PRELID3B: variants seen among roughly 807,000 people sequenced by gnomAD.
PRELID3B encodes PRELI domain containing 3B.
Under a neutral mutation model 24.0 loss-of-function variants are expected in PRELID3B, and 15 were observed. The observed-to-expected ratio is 0.63, with a 90% confidence interval of 0.42 to 0.96. The LOEUF is 0.96. Among genes scored for constraint, PRELID3B ranks in the 40% least tolerant of loss-of-function variants. PRELID3B has a pLI of 0.00. For missense variants in PRELID3B, 189 were observed against 236.0 expected, an observed-to-expected ratio of 0.80 and a Z score of 1.30; for synonymous variants, 62 against 76.0, an observed-to-expected ratio of 0.82 and a Z score of 0.96.
chr20:59,038,090 A>G (rs1374875645), intron 2 of PRELID3B: 3 of 166,030 alleles, frequency 1.8e-5, no homozygotes, highest in African/African-American at 7.2e-5. Flanking sequence ...CCGAGAACAT[A>G]GTCCTTACTT....
In PRELID3B at chr20:59,036,773, G is replaced by GAAAAAAAAAAAAAAA; in HGVS notation, c.292-14_292-13insTTTTTTTTTTTTTTT. The GAAAAAAAAAAAAAAA allele has an allele frequency of 9.0e-7, 1 of 1,109,602 alleles. No homozygotes were observed. Among genetic ancestry groups the GAAAAAAAAAAAAAAA allele is most frequent in the African/African-American group, 1.8e-5 (1 of 56,708 alleles). The allele number at this position is 1,109,602 out of a possible 1,614,324, so 68.7% of individuals were successfully genotyped here. ...TTGTAAATGAAATCTACAGAATGAA[G>GAAAAAAAAAAAAAAA]AAAAAAAAAAAAGATCAAATCATTT... On this transcript the variant is annotated splice_polypyrimidine_tract_variant and intron_variant, in intron 3 of 5. Coordinates refer to ENST00000355937, the MANE Select transcript of PRELID3B (RefSeq NM_016045.3).
intron 1 of PRELID3B, among the ~76,000 whole-genome samples, chr20:59,039,765 C>T (rs959146849): frequency 5.9e-5 from 9 of 152,242 alleles, no homozygotes; most frequent in Non-Finnish European, 1.0e-4. Context: ...AGGAAAATCT[C>T]AACTCCATTA....
rs150770632 is a variant in PRELID3B, at chr20:59,042,776, G to C, written c.-46C>G. On this transcript the variant is annotated 5_prime_UTR_variant, in exon 1 of 6. Transcript: ENST00000355937. ...TGTCCGGGTAGCGCCAGGGGACAAC[G>C]AGGCACAGAGGCTACACCTGCCCCT... is the stretch of plus-strand genomic sequence containing the variant. The C allele has an allele frequency of 4.0e-4, 632 of 1,576,442 alleles. 1 individual carries two copies. In the African/African-American group the frequency reaches 6.4e-3, roughly 16 times the overall value.
At chr20:59,039,854 C>T (rs1299719415) in intron 1 of PRELID3B, among the ~76,000 whole-genome samples, 37 of 152,158 alleles carry the variant, frequency 2.4e-4, no homozygotes, top group Admixed American at 2.4e-3. Context: ...CAATATTGTA[C>T]CAATGAACCT....
rs974541145 is a variant in PRELID3B, at chr20:59,040,458, T to C, written c.33-1824A>G. Among the ~76,000 whole-genome samples, 1 of 152,202 alleles carries C rather than the reference T, an allele frequency of 6.6e-6. No homozygotes were observed. Among genetic ancestry groups the C allele is most frequent in the African/African-American group, 2.4e-5 (1 of 41,442 alleles). On this transcript the variant is annotated intron_variant, in intron 1 of 5. Coordinates refer to ENST00000355937, the MANE Select transcript of PRELID3B (RefSeq NM_016045.3). The surrounding 1 kb of genome is among the most constrained non-coding windows in gnomAD (Gnocchi z 4.1). ...CACTGGCGCAGCATCGAGGTCTTGA[T>C]TTACTTATGAAAATGTAATCAATCC...
rs530033912 is a variant in PRELID3B, at chr20:59,033,653, T to C, written c.*1354A>G. 5 of 152,344 alleles carry C rather than the reference T, an allele frequency of 3.3e-5. No homozygotes were observed. Among genetic ancestry groups the C allele is most frequent in the African/African-American group, 9.6e-5 (4 of 41,586 alleles). 9.4% of individuals were successfully genotyped at this position (152,344 alleles called of 1,614,324 possible). A position where few individuals can be genotyped will look rare whatever the true frequency, so the allele number is the denominator to read the frequency against. On this transcript the variant is annotated 3_prime_UTR_variant, in exon 6 of 6. Transcript: ENST00000355937. Reference sequence around the variant, plus strand: ...ATACTATTTCTGTGGTTTATGTACATATATTAACTGGTCTCTTGGATAGGA... The same window carrying C: ...ATACTATTTCTGTGGTTTATGTACACATATTAACTGGTCTCTTGGATAGGA...
chr20:59,036,675 A>T lies in PRELID3B; in HGVS notation c.362+15T>A. 1 of 1,593,166 alleles carries T rather than the reference A, an allele frequency of 6.3e-7. No individual in the cohort carries two copies. Among genetic ancestry groups the T allele is most frequent in the South Asian group, 1.1e-5 (1 of 89,844 alleles). On this transcript the variant is annotated intron_variant, in intron 4 of 5. Coordinates refer to ENST00000355937, the MANE Select transcript of PRELID3B (RefSeq NM_016045.3). ...CACCCTTTACGATACATTTGTTAAA[A>T]TATTTTTTACTCACTTTTCTGGATC...
rs577073447 is a variant in PRELID3B, at chr20:59,034,030, T to A, written c.*977A>T. ...ATTAAAAACACTAAGTACCTGGGAT[T>A]TATGCCTCAGAGCAAGACATCATTT... On this transcript the variant is annotated 3_prime_UTR_variant, in exon 6 of 6. Transcript: ENST00000355937. 3 of 152,330 alleles carry A rather than the reference T, an allele frequency of 2.0e-5. No individual in the cohort carries two copies. The highest frequency in any genetic ancestry group is 4.4e-5 in the Non-Finnish European group (3 of 68,038). 9.4% of individuals were successfully genotyped at this position (152,330 alleles called of 1,614,324 possible). A position where few individuals can be genotyped will look rare whatever the true frequency, so the allele number is the denominator to read the frequency against.
intron 3 of PRELID3B, 92 bp from the exon 4 acceptor site, chr20:59,036,852 C>T: frequency 1.2e-6 from 1 of 814,922 alleles, no homozygotes; most frequent in Non-Finnish European, 1.9e-6. Context: ...CAAAATCTTA[C>T]TAAACATACA....
At chr20:59,038,672 A>G in intron 1 of PRELID3B, 38 bp from the exon 2 acceptor site, 1 of 1,511,892 alleles carries the variant, frequency 6.6e-7, no homozygotes, top group Non-Finnish European at 8.9e-7. Flanking sequence ...AAAAAAATTC[A>G]GACATTTAAA....
chr20:59,036,681 T>G lies in PRELID3B; in HGVS notation c.362+9A>C, dbSNP rs1229752186. ...TTACGATACATTTGTTAAAATATTT[T>G]TTACTCACTTTTCTGGATCCTGAGG... On this transcript the variant is annotated intron_variant, in intron 4 of 5. Transcript: ENST00000355937. The G allele has an allele frequency of 6.3e-7, 1 of 1,594,320 alleles. No individual in the cohort carries two copies. The highest frequency in any genetic ancestry group is 2.2e-5 in the East Asian group (1 of 44,780).
Position 59,036,727 on chromosome 20 carries a change from T to G in PRELID3B, c.325A>C (p.Arg109=), listed in dbSNP as rs751347856. ...SFTNMVSVDE[R]LIYKPHPQDP... Reference sequence around the variant, plus strand: ...TGAGGATGTGGTTTGTATATAAGTCTCTCATCTACTGAAACCATGTTTGTA... The same window carrying G: ...TGAGGATGTGGTTTGTATATAAGTCGCTCATCTACTGAAACCATGTTTGTA... Residue 109 remains arginine, a synonymous_variant, in exon 4 of 6, where the codon AGA becomes CGA. Transcript: ENST00000355937. 5.0e-5 allele frequency: 80 copies of G among 1,595,176 alleles called. No individual in the cohort carries two copies. Among genetic ancestry groups the G allele is most frequent in the Non-Finnish European group, 3.2e-5 (37 of 1,167,030 alleles).
chr20:59,037,222 AC>A lies in PRELID3B; in HGVS notation c.259del (p.Val87Ter). 6.2e-7 allele frequency: 1 copy of A among 1,613,896 alleles called. No homozygotes were observed. Among genetic ancestry groups the A allele is most frequent in the Non-Finnish European group, 8.5e-7 (1 of 1,179,782 alleles). ...YVQEHSVVDP[V>X]EKTMELKSTN... ...AGATTTAAGTTCCATTGTTTTCTCT[AC>A]AGGATCAACTACAGAATGTTCTTGC... is the stretch of plus-strand genomic sequence containing the variant. On this transcript the variant is annotated frameshift_variant, in exon 3 of 6. Coordinates refer to ENST00000355937, the MANE Select transcript of PRELID3B (RefSeq NM_016045.3). LOFTEE classifies it high-confidence loss of function.
chr20:59,037,356 G>GA (rs1393404324), intron 2 of PRELID3B, 76 bp from the exon 3 acceptor site: 3 of 1,074,448 alleles, frequency 2.8e-6, no homozygotes, highest in African/African-American at 3.1e-5. Context: ...TTATTTGAAG[G>GA]AAAAAATGTG....
chr20:59,042,604 C>T, intron 1 of PRELID3B, 95 bp downstream of exon 1: 1 of 1,393,940 alleles, frequency 7.2e-7, no homozygotes, highest in Non-Finnish European at 9.9e-7. Context: ...CTAGGCCCGA[C>T]GCCTAGAAGC....
intron 5 of PRELID3B, 116 bp downstream of exon 5, chr20:59,036,355 T>C: frequency 1.3e-6 from 1 of 756,262 alleles, no homozygotes; most frequent in East Asian, 2.6e-5. Context: ...CGTGCTGCAG[T>C]TTCCTATGGT....
At chr20:59,041,054 A>AG (rs1276637681) in intron 1 of PRELID3B, among the ~76,000 whole-genome samples, 1 of 152,174 alleles carries the variant, frequency 6.6e-6, no homozygotes, top group Non-Finnish European at 1.5e-5. Flanking sequence ...AGGCAGAAAG[A>AG]GTGTAGAGGG....
At position 59,036,573 on chromosome 20, in the gene PRELID3B, T is replaced by A; in HGVS notation, c.363A>T (p.Lys121Asn). 2 of 1,613,710 alleles carry A rather than the reference T, an allele frequency of 1.2e-6. No homozygotes were observed. Among genetic ancestry groups the A allele is most frequent in the African/African-American group, 1.3e-5 (1 of 74,932 alleles). Residue 121 changes from lysine (K) to asparagine (N), a missense_variant and splice_region_variant, in exon 5 of 6, where the codon AAA (lysine) becomes AAT (asparagine). Transcript: ENST00000355937. Reference protein sequence around the residue: ...IYKPHPQDPEKTVLTQEAIIT... With the variant: ...IYKPHPQDPENTVLTQEAIIT... Reference sequence around the variant, plus strand: ...TTATGGCTTCTTGTGTCAAAACAGTTCTGGAACAAAACATATTCACACAGG... The same window carrying A: ...TTATGGCTTCTTGTGTCAAAACAGTACTGGAACAAAACATATTCACACAGG...
rs769218832 is a variant in PRELID3B at position 59,034,396 on chromosome 20, A to T, written c.*611T>A. 6.5e-6 allele frequency: 1 copy of T among 152,672 alleles called. No homozygotes were observed. The highest frequency in any genetic ancestry group is 1.5e-5 in the Non-Finnish European group (1 of 68,056). The allele number at this position is 152,672 out of a possible 1,614,324, so 9.5% of individuals were successfully genotyped here. A position where few individuals can be genotyped will look rare whatever the true frequency, so the allele number is the denominator to read the frequency against. ...TAAGTTACAAAACTTGGGCAAATCA[A>T]TACAGTACTCTTTTATAATGAAACC... On this transcript the variant is annotated 3_prime_UTR_variant, in exon 6 of 6. Coordinates refer to ENST00000355937, the MANE Select transcript of PRELID3B (RefSeq NM_016045.3).
Sources: allele counts gnomAD v4.1 joint callset (sites outside exome capture counted in the v4.1 genomes callset), GRCh38; gene constraint gnomAD v4.1.1; non-coding constraint Gnocchi (gnomAD v3.1); transcripts MANE v1.5; gene names NCBI Gene and HGNC (gene_info 2026-07-23, HGNC 2026-07-21).